SPTBN1: variants seen among roughly 807,000 people sequenced by gnomAD.
SPTBN1 encodes spectrin beta, non-erythrocytic 1.
In SPTBN1, 32 loss-of-function variants were observed where a neutral mutation model predicts 266.4. The observed-to-expected ratio is 0.12, with a 90% CI of 0.09 to 0.16. The LOEUF is 0.16. SPTBN1 is among the 10% of genes least tolerant of loss of function. The probability of loss-of-function intolerance (pLI) is 1.00; values close to 1 mark genes in which losing one functional copy is unlikely to be tolerated. For synonymous variants in SPTBN1, 1,336 were observed against 1,162.2 expected, an observed-to-expected ratio of 1.15 and a Z score of -3.04; for missense variants, 2,296 against 3,067.1, an observed-to-expected ratio of 0.75 and a Z score of 5.94.
intron 4 of SPTBN1, among the ~76,000 whole-genome samples, chr2:54,615,206 C>G (rs1195439583): frequency 6.6e-6 from 1 of 151,926 alleles, no homozygotes; most frequent in Non-Finnish European, 1.5e-5. Flanking sequence ...CTTTTTAATC[C>G]TGTATTTATA....
At chr2:54,482,749 G>C (rs1223109712) in intron 1 of SPTBN1, among the ~76,000 whole-genome samples, 1 of 152,100 alleles carries the variant, frequency 6.6e-6, no homozygotes, top group Non-Finnish European at 1.5e-5. Flanking sequence ...CAGTTTCATT[G>C]GGCAGCCTAG....
intron 2 of SPTBN1, chr2:54,557,696 C>A: frequency 1.0e-6 from 1 of 984,030 alleles, no homozygotes; most frequent in Non-Finnish European, 1.2e-6. Flanking sequence ...CAATGCCTTG[C>A]AAATCGGTGC....
At chr2:54,576,126 C>T (rs1475073111) in intron 2 of SPTBN1, among the ~76,000 whole-genome samples, 1 of 137,334 alleles carries the variant, frequency 7.3e-6, no homozygotes, top group African/African-American at 2.8e-5. Flanking sequence ...GCGATCTCGG[C>T]TCACTGCAAC....
At chr2:54,547,939 C>T (rs544030782) in intron 2 of SPTBN1, among the ~76,000 whole-genome samples, 7 of 151,950 alleles carry the variant, frequency 4.6e-5, no homozygotes, top group South Asian at 4.2e-4. Context: ...GTCAGGAGAT[C>T]GAGACCATCC....
At chr2:54,571,513 T>G (rs1242838076) in intron 2 of SPTBN1, among the ~76,000 whole-genome samples, 2 of 151,734 alleles carry the variant, frequency 1.3e-5, no homozygotes, top group Non-Finnish European at 2.9e-5. Flanking sequence ...CAGTTATATA[T>G]GAAGATACCT....
chr2:54,558,337 G>T lies in SPTBN1; in HGVS notation c.148+31771G>T. 3 of 994,902 alleles carry T rather than the reference G, an allele frequency of 3.0e-6. No individual in the cohort carries two copies. The highest frequency in any genetic ancestry group is 3.6e-6 in the Non-Finnish European group (3 of 835,896). The allele number at this position is 994,902 out of a possible 1,614,324, so 61.6% of individuals were successfully genotyped here. A position where few individuals can be genotyped will look rare whatever the true frequency, so the allele number is the denominator to read the frequency against. On this transcript the variant is annotated intron_variant, in intron 2 of 35. Coordinates refer to ENST00000356805, the MANE Select transcript of SPTBN1 (RefSeq NM_003128.3). The surrounding 1 kb of genome is among the most constrained non-coding windows in gnomAD (Gnocchi z 4.6). ...CAGGTGACATCACCGCCCAGCACAC[G>T]GCGAGTGGCTCCTGATAAAATTACA...
chr2:54,626,259 C>T lies in SPTBN1; in HGVS notation c.1644+25C>T, dbSNP rs377669485. The T allele has an allele frequency of 3.4e-5, 54 of 1,601,162 alleles. No homozygotes were observed. The Admixed American group carries it at 4.4e-4, about 13-fold the overall frequency. On this transcript the variant is annotated intron_variant, in intron 12 of 35. Transcript: ENST00000356805. The surrounding 1 kb of genome is among the most constrained non-coding windows in gnomAD (Gnocchi z 4.7). Reference sequence around the variant, plus strand: ...GGTAAAACCTGACCGAAAGGAAGGACGACAGAGCTGATCCAACCAGGGCTC... The same window carrying T: ...GGTAAAACCTGACCGAAAGGAAGGATGACAGAGCTGATCCAACCAGGGCTC...
intron 32 of SPTBN1, chr2:54,661,011 T>G: frequency 1.0e-6 from 1 of 985,440 alleles, no homozygotes; most frequent in Non-Finnish European, 1.2e-6. Context: ...TACTTGAACG[T>G]TGCACTTGGT....
chr2:54,605,060 A>G (rs930641041), intron 3 of SPTBN1, among the ~76,000 whole-genome samples: 1 of 152,204 alleles, frequency 6.6e-6, no homozygotes, highest in Non-Finnish European at 1.5e-5. Context: ...GAGGCAAGAC[A>G]GAGGACGCTT....
intron 32 of SPTBN1, chr2:54,662,048 G>A: frequency 1.1e-5 from 11 of 985,352 alleles, no homozygotes; most frequent in Non-Finnish European, 1.3e-5. Flanking sequence ...CCAATCAGGT[G>A]TTTTCTGTGC....
chr2:54,516,979 G>A (rs998138325), intron 1 of SPTBN1, among the ~76,000 whole-genome samples: 9 of 152,192 alleles, frequency 5.9e-5, no homozygotes, highest in African/African-American at 1.7e-4. Context: ...GTCATTATCA[G>A]TAGAAAGGAA....
At position 54,645,619 on chromosome 2, in the gene SPTBN1, A is replaced by G. The variant is rs1679873036; in HGVS notation, c.4494+166A>G. 6.6e-6 allele frequency among the ~76,000 whole-genome samples: 1 copy of G among 152,108 alleles called. No homozygotes were observed. The highest frequency in any genetic ancestry group is 1.5e-5 in the Non-Finnish European group (1 of 68,000). ...TAAAGTTTCTTTCCCTTTTCACCCT[A>G]AATGTAACTCCATTGGTCCTCTCAC... On this transcript the variant is annotated intron_variant, in intron 21 of 35. Coordinates refer to ENST00000356805, the MANE Select transcript of SPTBN1 (RefSeq NM_003128.3). The surrounding 1 kb of genome is among the most constrained non-coding windows in gnomAD (Gnocchi z 4.3).
rs1404732403 is a variant in SPTBN1 at position 54,626,753 on chromosome 2, A to G, written c.1644+519A>G. Among the ~76,000 whole-genome samples the G allele has an allele frequency of 2.0e-5, 3 of 152,184 alleles. No individual in the cohort carries two copies. Among genetic ancestry groups the G allele is most frequent in the Non-Finnish European group, 2.9e-5 (2 of 68,028 alleles). The stretch of plus-strand genomic sequence containing the variant: ...TCTTTAAATGGAGATTGTACTTACT[A>G]TCTACCTCATCCAATTATTGCAAGG... On this transcript the variant is annotated intron_variant, in intron 12 of 35. Coordinates refer to ENST00000356805, the MANE Select transcript of SPTBN1 (RefSeq NM_003128.3). The surrounding 1 kb of genome is among the most constrained non-coding windows in gnomAD (Gnocchi z 4.7).
intron 18 of SPTBN1, among the ~76,000 whole-genome samples, chr2:54,640,704 A>G (rs1292720152): frequency 6.6e-6 from 1 of 152,176 alleles, no homozygotes; most frequent in African/African-American, 2.4e-5. Flanking sequence ...GGCATGCGCC[A>G]CCACACCCAG....
intron 1 of SPTBN1, among the ~76,000 whole-genome samples, chr2:54,494,281 C>T (rs1217154893): frequency 6.6e-6 from 1 of 152,186 alleles, no homozygotes; most frequent in African/African-American, 2.4e-5. Context: ...TCCTCTGGTG[C>T]ATTTGAGTCC....
At chr2:54,643,240 G>T in intron 19 of SPTBN1, 111 bp downstream of exon 19, 1 of 1,461,006 alleles carries the variant, frequency 6.8e-7, no homozygotes, top group Non-Finnish European at 9.2e-7. Context: ...GTACATTTAC[G>T]TAAGTTACAC....
At position 54,485,770 on chromosome 2, in the gene SPTBN1, A is replaced by T. The variant is rs1250921678; in HGVS notation, c.-48+29252A>T. ...GGAGCGCCTCTTCCCGGCCGCCATC[A>T]CATCTAGGAAGTGAGGAGCGTCTCT... On this transcript the variant is annotated intron_variant, in intron 1 of 35. Transcript: ENST00000356805. Among the ~76,000 whole-genome samples the T allele has an allele frequency of 3.0e-5, 4 of 135,250 alleles. No homozygotes were observed. In the Admixed American group the frequency reaches 3.0e-4, roughly 10 times the overall value. 88.7% of individuals were successfully genotyped at this position (135,250 alleles called of 152,430 possible). A position where few individuals can be genotyped will look rare whatever the true frequency, so the allele number is the denominator to read the frequency against.
At chr2:54,620,572 C>G (rs561839736) in intron 7 of SPTBN1, among the ~76,000 whole-genome samples, 11 of 152,198 alleles carry the variant, frequency 7.2e-5, no homozygotes, top group Non-Finnish European at 1.5e-4. Flanking sequence ...TTGCTTGAGC[C>G]CAGGAGTTTG....
intron 1 of SPTBN1, among the ~76,000 whole-genome samples, chr2:54,512,255 T>C (rs948474896): frequency 1.3e-5 from 2 of 152,174 alleles, no homozygotes; most frequent in Admixed American, 6.5e-5. Flanking sequence ...TATTTGAATG[T>C]TTTTTCTAGG....
Sources: allele counts gnomAD v4.1 joint callset (sites outside exome capture counted in the v4.1 genomes callset), GRCh38; gene constraint gnomAD v4.1.1; non-coding constraint Gnocchi (gnomAD v3.1); transcripts MANE v1.5; gene names NCBI Gene and HGNC (gene_info 2026-07-23, HGNC 2026-07-21).